Variants in STK31 observed in about 807,000 individuals in gnomAD.
STK31 encodes the protein serine/threonine-protein kinase 31.
In STK31, 89 loss-of-function variants were observed where a neutral mutation model predicts 129.7. The ratio of observed to expected loss-of-function variants is 0.69; its 90% CI spans 0.58 to 0.82. STK31 has a LOEUF of 0.82. Among genes scored for constraint, STK31 ranks in the 40% least tolerant of loss-of-function variants. The pLI is 0.00. For missense variants in STK31, 1,187 were observed against 1,176.4 expected (o/e 1.01, Z -0.13); for synonymous variants, 448 against 395.3 (o/e 1.13, Z -1.58).
chr7:23,764,057 A>G (rs1436300742), intron 11 of STK31, among the ~76,000 whole-genome samples: 1 of 152,208 alleles, frequency 6.6e-6, no homozygotes, highest in Non-Finnish European at 1.5e-5. Flanking sequence ...ATGAAGATGT[A>G]GTTTTGATGA....
At chr7:23,733,104 T>C (rs1787524963) in intron 6 of STK31, among the ~76,000 whole-genome samples, 1 of 152,130 alleles carries the variant, frequency 6.6e-6, no homozygotes, top group South Asian at 2.1e-4. Flanking sequence ...CCTCTTGATA[T>C]AATGTGTGTA....
At chr7:23,766,390 G>A (rs1346500157) in intron 11 of STK31, among the ~76,000 whole-genome samples, 1 of 152,054 alleles carries the variant, frequency 6.6e-6, no homozygotes, top group African/African-American at 2.4e-5. Flanking sequence ...AACCTCCCGA[G>A]TAGCTGGGAC....
At chr7:23,798,294 C>A (rs1792127772) in intron 22 of STK31, among the ~76,000 whole-genome samples, 1 of 151,792 alleles carries the variant, frequency 6.6e-6, no homozygotes, top group Non-Finnish European at 1.5e-5. Flanking sequence ...AGAGACACAA[C>A]AAAAAAAGAA....
chr7:23,727,423 T>G lies in STK31; in HGVS notation c.324+108T>G, dbSNP rs185300630. On this transcript the variant is annotated intron_variant, in intron 5 of 23. Transcript: ENST00000355870. ...ATTGCTTATTCGTAGTACTGATACC[T>G]GGTTCAGTGATTAAAACACAGAAGA... 2.2e-4 allele frequency: 185 copies of G among 837,960 alleles called. No individual in the cohort carries two copies. The African/African-American group carries it at 2.8e-3, about 13-fold the overall frequency. The allele number at this position is 837,960 out of a possible 1,614,324, so 51.9% of individuals were successfully genotyped here.
chr7:23,745,860 A>G (rs1364862606), intron 8 of STK31, among the ~76,000 whole-genome samples: 1 of 152,164 alleles, frequency 6.6e-6, no homozygotes, highest in Non-Finnish European at 1.5e-5. Context: ...AGTGGCTGCC[A>G]GTGGCTTGTG....
chr7:23,773,391 C>T (rs1459386897), intron 15 of STK31, among the ~76,000 whole-genome samples: 3 of 152,134 alleles, frequency 2.0e-5, no homozygotes, highest in Non-Finnish European at 4.4e-5. Flanking sequence ...TTTATAGCTG[C>T]ATAATATTCC....
intron 22 of STK31, among the ~76,000 whole-genome samples, chr7:23,808,137 A>G (rs1296072063): frequency 7.2e-6 from 1 of 139,578 alleles, no homozygotes; most frequent in African/African-American, 2.7e-5. Context: ...TTGTGAGACT[A>G]TGAATCCTTT....
intron 22 of STK31, among the ~76,000 whole-genome samples, chr7:23,814,252 T>C (rs922265822): frequency 1.3e-5 from 2 of 151,296 alleles, no homozygotes; most frequent in Admixed American, 1.3e-4. Flanking sequence ...TTTTTAAACC[T>C]TTCAGTGTTT....
At chr7:23,798,946 C>A (rs1192838892) in intron 22 of STK31, among the ~76,000 whole-genome samples, 1 of 152,086 alleles carries the variant, frequency 6.6e-6, no homozygotes, top group Admixed American at 6.5e-5. Flanking sequence ...TTCTTATACA[C>A]CCGTAACAGA....
intron 12 of STK31, 125 bp from the exon 13 acceptor site, chr7:23,769,515 T>C (rs1274722466): frequency 1.1e-5 from 7 of 645,338 alleles, no homozygotes; most frequent in Admixed American, 2.9e-5. Context: ...CACTTTTTTT[T>C]CCTGCATTCC....
At chr7:23,816,396 T>C (rs1191845687) in intron 23 of STK31, among the ~76,000 whole-genome samples, 1 of 152,226 alleles carries the variant, frequency 6.6e-6, no homozygotes, top group Non-Finnish European at 1.5e-5. Flanking sequence ...TCCTGAAATT[T>C]AGTTTAAACT....
intron 22 of STK31, among the ~76,000 whole-genome samples, chr7:23,810,454 CTTGT>C (rs1793015144): frequency 7.3e-6 from 1 of 136,178 alleles, no homozygotes; most frequent in African/African-American, 2.8e-5. Context: ...TTGTTTGTTT[CTTGT>C]TTCTTTTTCT....
chr7:23,805,031 TA>T (rs1348756525), intron 22 of STK31, among the ~76,000 whole-genome samples: 1 of 152,202 alleles, frequency 6.6e-6, no homozygotes, highest in Non-Finnish European at 1.5e-5. Context: ...TTAGATAAGC[TA>T]TGGCCTGCCA....
rs1491236870 is a variant in STK31 at position 23,810,801 on chromosome 7, T to TATAA, written c.2761-4340_2761-4339insAATA. On this transcript the variant is annotated intron_variant, in intron 22 of 23. Coordinates refer to ENST00000355870, the MANE Select transcript of STK31 (RefSeq NM_031414.5). Reference sequence around the variant, plus strand: ...TATTATATATAAATATATAAATATGTATATATATTTGTATATAAATATGTA... The same window carrying TATAA: ...TATTATATATAAATATATAAATATGTATAAATATATATTTGTATATAAATATGTA... Among the ~76,000 whole-genome samples the TATAA allele has an allele frequency of 3.3e-3, 466 of 139,156 alleles. 3 individuals are homozygous for TATAA. Among genetic ancestry groups the TATAA allele is most frequent in the African/African-American group, 6.9e-3 (264 of 37,994 alleles). The allele number at this position is 139,156 out of a possible 152,430, so 91.3% of individuals were successfully genotyped here. A position where few individuals can be genotyped will look rare whatever the true frequency, so the allele number is the denominator to read the frequency against.
chr7:23,800,873 CAAGTT>C (rs1242398305), intron 22 of STK31, among the ~76,000 whole-genome samples: 1 of 152,094 alleles, frequency 6.6e-6, no homozygotes, highest in South Asian at 2.1e-4. Flanking sequence ...GTGATTCATT[CAAGTT>C]GTCTAATGTA....
chr7:23,765,690 A>G (rs1046977984), intron 11 of STK31, among the ~76,000 whole-genome samples: 2 of 151,364 alleles, frequency 1.3e-5, no homozygotes, highest in East Asian at 2.0e-4. Context: ...ATGAGTGGCT[A>G]GGATTACAGG....
chr7:23,712,961 G>C (rs1319497545), intron 3 of STK31, among the ~76,000 whole-genome samples: 1 of 152,128 alleles, frequency 6.6e-6, no homozygotes. Context: ...CTTTTGGTGG[G>C]GGGTGAGGTG....
In STK31 at chr7:23,790,850, G is replaced by C. The variant is rs1791572130; in HGVS notation, c.2664G>C (p.Met888Ile). The change falls in exon 22 of 24, where the codon ATG becomes ATC. Residue 888 changes from methionine to isoleucine, a missense_variant. Physicochemically the swap from Met to Ile is conservative, Grantham distance 10. This residue lies in a region of STK31 where 975 missense variants were observed against 934.9 expected (regional missense o/e 1.04). Transcript: ENST00000355870. ...GTCAGCGAGCCTCGGTGAACATGAT[G>C]GTTGGTGACTTGAGTTTGATGTCAC... is the stretch of plus-strand genomic sequence containing the variant. ...SVSQRASVNM[M>I]VGDLSLMSPE... 1.9e-6 allele frequency: 3 copies of C among 1,605,832 alleles called. No individual in the cohort carries two copies. The highest frequency in any genetic ancestry group is 2.5e-6 in the Non-Finnish European group (3 of 1,177,164).
Position 23,754,242 on chromosome 7 carries a change from T to G in STK31, c.1134-73T>G. 4.6e-6 allele frequency: 7 copies of G among 1,514,520 alleles called. No homozygotes were observed. The South Asian group carries it at 9.0e-5, about 19-fold the overall frequency. 93.8% of individuals were successfully genotyped at this position (1,514,520 alleles called of 1,614,324 possible). A position where few individuals can be genotyped will look rare whatever the true frequency, so the allele number is the denominator to read the frequency against. On this transcript the variant is annotated intron_variant, in intron 9 of 23. Transcript: ENST00000355870. ...AACACTAACTTTTAGACCATTACTA[T>G]TAAAGTGTAACTTTTTCTCACACCA...
Sources: allele counts gnomAD v4.1 joint callset (sites outside exome capture counted in the v4.1 genomes callset), GRCh38; gene constraint gnomAD v4.1.1; regional missense constraint gnomAD v4.1.1; transcripts MANE v1.5; gene names NCBI Gene and HGNC (gene_info 2026-07-23, HGNC 2026-07-21).